Variants in C12orf42 observed in about 807,000 individuals in gnomAD.
C12orf42 encodes the protein chromosome 12 open reading frame 42, also known as uncharacterized protein C12orf42.
C12orf42 carries 25 observed loss-of-function variants against 21.6 expected under a neutral mutation model. The ratio of observed to expected loss-of-function variants is 1.16; its 90% CI spans 0.84 to 1.62. The LOEUF is 1.62. Ranked by LOEUF, C12orf42 falls within the 40% of genes most tolerant of loss-of-function variation. The pLI is 0.00. For missense variants in C12orf42, 483 were observed against 459.3 expected (o/e 1.05, Z -0.47); for synonymous variants, 174 against 175.0 (o/e 0.99, Z 0.05).
At chr12:103,411,203 A>C (rs188529110) in intron 2 of C12orf42, among the ~76,000 whole-genome samples, 177 of 152,322 alleles carry the variant, frequency 1.2e-3, no homozygotes, top group Middle Eastern at 3.4e-3. Context: ...AATTTGCTCT[A>C]TATATAAAAA....
At chr12:103,507,894 T>C in the C12orf42 span, among the ~76,000 whole-genome samples, 2 of 152,122 alleles carry the variant, frequency 1.3e-5, no homozygotes, top group African/African-American at 4.8e-5. Context: ...ATTTGATGAC[T>C]TCTGGAGGAC....
At chr12:103,112,149 G>C in the C12orf42 span, among the ~76,000 whole-genome samples, 2 of 152,180 alleles carry the variant, frequency 1.3e-5, no homozygotes, top group Admixed American at 6.5e-5. Flanking sequence ...AGTGAAGCGT[G>C]TTTTCTAGCC....
chr12:103,230,922 A>G, the C12orf42 span, among the ~76,000 whole-genome samples: 1 of 152,080 alleles, frequency 6.6e-6, no homozygotes, highest in Non-Finnish European at 1.5e-5. Flanking sequence ...TCTAGATTTA[A>G]GCATTCAAGG....
intron 10 of C12orf42, among the ~76,000 whole-genome samples, chr12:103,263,001 A>C (rs193242457): frequency 1.3e-5 from 2 of 152,194 alleles, no homozygotes; most frequent in Non-Finnish European, 2.9e-5. Flanking sequence ...TGTCCTTTGT[A>C]GGGATACGGA....
In C12orf42 at chr12:103,388,964, T is replaced by C. The variant is rs561420048; in HGVS notation, c.147+12643A>G. Among the ~76,000 whole-genome samples, 10 of 152,352 alleles carry C rather than the reference T, an allele frequency of 6.6e-5. No homozygotes were observed. The East Asian group carries it at 1.9e-3, about 29-fold the overall frequency. Reference sequence around the variant, plus strand: ...GGCTCCACATAAGCAAGCTTGGGTATGGGCTGTGCTTGCTTTCCAGCCCCT... The same window carrying C: ...GGCTCCACATAAGCAAGCTTGGGTACGGGCTGTGCTTGCTTTCCAGCCCCT... On this transcript the variant is annotated intron_variant, in intron 3 of 5. Transcript: ENST00000548883.
At chr12:103,462,851 T>G (rs530643638) in intron 2 of C12orf42, among the ~76,000 whole-genome samples, 1 of 152,342 alleles carries the variant, frequency 6.6e-6, no homozygotes, top group Admixed American at 6.5e-5. Context: ...TTCACATCTT[T>G]TGTTTTTCAC....
the C12orf42 span, among the ~76,000 whole-genome samples, chr12:103,152,283 G>A: frequency 1.3e-5 from 2 of 152,162 alleles, no homozygotes; most frequent in African/African-American, 4.8e-5. Flanking sequence ...ATAGAAAAGT[G>A]AGATAATGAC....
chr12:103,270,002 T>C (rs1191493812), intron 5 of C12orf42: 2 of 152,114 alleles, frequency 1.3e-5, no homozygotes, highest in Non-Finnish European at 2.9e-5. Flanking sequence ...AATATATGAA[T>C]AGAATGAGTC....
the C12orf42 span, among the ~76,000 whole-genome samples, chr12:103,073,373 C>T: frequency 6.6e-6 from 1 of 152,086 alleles, no homozygotes; most frequent in Admixed American, 6.6e-5. Context: ...AAAATGCTCC[C>T]TCAGTGGCCA....
At chr12:103,451,855 T>A (rs1253456374) in intron 2 of C12orf42, among the ~76,000 whole-genome samples, 1 of 152,068 alleles carries the variant, frequency 6.6e-6, no homozygotes, top group Admixed American at 6.6e-5. Context: ...TTTCCCAGCC[T>A]CTGCTTGTAG....
chr12:103,334,733 A>G (rs2041539582), intron 4 of C12orf42, among the ~76,000 whole-genome samples: 1 of 152,120 alleles, frequency 6.6e-6, no homozygotes, highest in Non-Finnish European at 1.5e-5. Flanking sequence ...AAACTGCCCA[A>G]AGAAATCGCT....
At chr12:103,459,508 G>T (rs749734089) in intron 2 of C12orf42, among the ~76,000 whole-genome samples, 17 of 152,090 alleles carry the variant, frequency 1.1e-4, no homozygotes, top group Non-Finnish European at 8.8e-5. Context: ...GACTGCTCCT[G>T]CTTCACCTCC....
the C12orf42 span, among the ~76,000 whole-genome samples, chr12:103,546,040 C>T: frequency 6.6e-6 from 1 of 152,114 alleles, no homozygotes; most frequent in African/African-American, 2.4e-5. Context: ...ATTATTTTGC[C>T]TTCATGATAA....
At chr12:103,506,414 G>GT in the C12orf42 span, among the ~76,000 whole-genome samples, 1 of 150,968 alleles carries the variant, frequency 6.6e-6, no homozygotes, top group Non-Finnish European at 1.5e-5. Context: ...ACATAGTGAT[G>GT]TTTTGGTCAA....
chr12:103,300,073 A>G (rs1203028812), downstream of C12orf42, among the ~76,000 whole-genome samples: 2 of 152,242 alleles, frequency 1.3e-5, no homozygotes, highest in African/African-American at 4.8e-5. Flanking sequence ...TGAACCCTAC[A>G]AATCTACATA....
At chr12:103,537,437 A>C in the C12orf42 span, among the ~76,000 whole-genome samples, 1 of 152,214 alleles carries the variant, frequency 6.6e-6, no homozygotes, top group Non-Finnish European at 1.5e-5. Flanking sequence ...TATCAGAACA[A>C]ATCTGGTTCA....
intron 4 of C12orf42, among the ~76,000 whole-genome samples, chr12:103,325,105 TA>T (rs1475544428): frequency 6.6e-6 from 1 of 152,178 alleles, no homozygotes; most frequent in African/African-American, 2.4e-5. Flanking sequence ...AGTGTTTGCA[TA>T]AAGTAGAGAG....
At chr12:103,103,775 G>A in the C12orf42 span, among the ~76,000 whole-genome samples, 2 of 150,700 alleles carry the variant, frequency 1.3e-5, no homozygotes, top group African/African-American at 2.4e-5. Flanking sequence ...TAAATTAATC[G>A]ATAGTAATCA....
At chr12:103,554,014 G>A in the C12orf42 span, among the ~76,000 whole-genome samples, 1 of 152,270 alleles carries the variant, frequency 6.6e-6, no homozygotes, top group Admixed American at 6.5e-5. Context: ...TGAGAAGTGG[G>A]TTAAAGCAAG....
Sources: allele counts gnomAD v4.1 joint callset (sites outside exome capture counted in the v4.1 genomes callset), GRCh38; gene constraint gnomAD v4.1.1; transcripts MANE v1.5; gene names NCBI Gene and HGNC (gene_info 2026-07-23, HGNC 2026-07-21).